The following NF1 variants were observed in gnomAD, a reference collection of about 807,000 sequenced individuals.
The protein encoded by NF1 is neurofibromin.
NF1 carries 122 observed loss-of-function variants against 325.7 expected under a neutral mutation model. The observed-to-expected ratio is 0.37, with a 90% CI of 0.32 to 0.44. The LOEUF (loss-of-function observed/expected upper bound fraction) is 0.44. Among genes scored for constraint, NF1 ranks in the 20% least tolerant of loss-of-function variants. The pLI is 1.00. For missense variants in NF1, 2,140 were observed against 3,415.4 expected (o/e 0.63, Z 9.31); for synonymous variants, 1,091 against 1,186.0 (o/e 0.92, Z 1.65).
chr17:31,163,124 A>G (rs1160488793), intron 3 of NF1, 62 bp from the exon 4 acceptor site: 7 of 1,545,028 alleles, frequency 4.5e-6, no homozygotes, highest in South Asian at 3.4e-5. Flanking sequence ...GAAAATTTTC[A>G]TAATAGAAAA....
intron 36 of NF1, among the ~76,000 whole-genome samples, chr17:31,309,430 A>G (rs2068811030): frequency 6.6e-6 from 1 of 152,198 alleles, no homozygotes. Flanking sequence ...CACTTTTGGC[A>G]TAGATATAGG....
intron 36 of NF1, among the ~76,000 whole-genome samples, chr17:31,308,480 G>A (rs1423281692): frequency 6.6e-6 from 1 of 151,960 alleles, no homozygotes; most frequent in African/African-American, 2.4e-5. Context: ...TCTTCCTTCT[G>A]GCTTGAGTTA....
At chr17:31,301,920 T>G (rs1485191932) in intron 36 of NF1, among the ~76,000 whole-genome samples, 2 of 152,220 alleles carry the variant, frequency 1.3e-5, no homozygotes, top group African/African-American at 4.8e-5. Context: ...TGAAATAAAC[T>G]TTCTCTTCTG....
intron 36 of NF1, among the ~76,000 whole-genome samples, chr17:31,303,456 A>G (rs1326058790): frequency 2.0e-5 from 3 of 152,108 alleles, no homozygotes; most frequent in African/African-American, 4.8e-5. Context: ...AAAGTTGAGA[A>G]TCATCTGTGT....
intron 5 of NF1, among the ~76,000 whole-genome samples, chr17:31,180,518 A>G (rs954407586): frequency 6.6e-6 from 1 of 152,220 alleles, no homozygotes; most frequent in African/African-American, 2.4e-5. Context: ...CAATAGATAC[A>G]GAAAAGGCCT....
At chr17:31,141,993 A>AC (rs1309287928) in intron 1 of NF1, among the ~76,000 whole-genome samples, 3 of 152,124 alleles carry the variant, frequency 2.0e-5, no homozygotes, top group African/African-American at 7.2e-5. Flanking sequence ...TGTAAACCCT[A>AC]CCCCCATTAT....
At chr17:31,264,824 T>C (rs1213595078) in intron 35 of NF1, among the ~76,000 whole-genome samples, 5 of 152,138 alleles carry the variant, frequency 3.3e-5, no homozygotes, top group Non-Finnish European at 2.9e-5. Flanking sequence ...TTTGGAAAAA[T>C]ATTTTCATAC....
chr17:31,208,122 C>T (rs773258391), intron 12 of NF1, among the ~76,000 whole-genome samples: 6 of 152,040 alleles, frequency 3.9e-5, no homozygotes, highest in African/African-American at 9.7e-5. Flanking sequence ...ATTATTTTAC[C>T]GAAAAGCCAT....
Position 31,219,022 on chromosome 17 carries a change from G to T in NF1, c.1545G>T (p.Gly515=), listed in dbSNP as rs876658203. ...CCTTGCAGAATCCAAGAAAACAGGG[G>T]CCCGAAACCCAAGGCAGTACAGCAG... ...KLLLCNPRKQ[G]PETQGSTAEL... is the part of the protein sequence containing the mutation. The change falls in exon 14 of 58, where the codon GGG becomes GGT. Residue 515 remains glycine (G), a synonymous_variant. Coordinates refer to ENST00000358273, the MANE Select transcript of NF1 (RefSeq NM_001042492.3). 6.2e-7 allele frequency: 1 copy of T among 1,613,052 alleles called. No individual in the cohort carries two copies. Among genetic ancestry groups the T allele is most frequent in the Non-Finnish European group, 8.5e-7 (1 of 1,179,652 alleles).
Position 31,287,542 on chromosome 17 carries a change from CTGTGTGTGTGTGTG to C in NF1, c.4835+22226_4835+22239del, listed in dbSNP as rs59906241. Among the ~76,000 whole-genome samples, 123 of 145,590 alleles carry C rather than the reference CTGTGTGTGTGTGTG, an allele frequency of 8.4e-4. 1 individual carries two copies. The highest frequency in any genetic ancestry group is 7.7e-3 in the Admixed American group (113 of 14,762). On this transcript the variant is annotated intron_variant, in intron 36 of 57. Transcript: ENST00000358273. Reference sequence around the variant, plus strand: ...TTCTGTGCTTTGATCTCATTCATAACTGTGTGTGTGTGTGTGTGTGTGTGTGTGTGTGTGTGACA... The same window carrying C: ...TTCTGTGCTTTGATCTCATTCATAACTGTGTGTGTGTGTGTGTGTGTGACA...
At chr17:31,354,279 A>G (rs1284696748) in intron 51 of NF1, among the ~76,000 whole-genome samples, 1 of 152,198 alleles carries the variant, frequency 6.6e-6, no homozygotes, top group Non-Finnish European at 1.5e-5. Flanking sequence ...AGAGGAGATA[A>G]CATTTGGGCT....
intron 36 of NF1, chr17:31,318,489 A>C: frequency 6.2e-7 from 1 of 1,614,058 alleles, no homozygotes; most frequent in Non-Finnish European, 8.5e-7. Flanking sequence ...TTCTAGGCTG[A>C]CGCTTGCCTA....
chr17:31,363,763 C>T (rs1209945208), intron 57 of NF1, among the ~76,000 whole-genome samples: 3 of 136,562 alleles, frequency 2.2e-5, no homozygotes, highest in Non-Finnish European at 4.7e-5. Context: ...CCTTTGGAGA[C>T]AGTGTCTCGC....
intron 36 of NF1, among the ~76,000 whole-genome samples, chr17:31,268,617 C>A (rs1284357836): frequency 4.2e-5 from 6 of 144,198 alleles, no homozygotes; most frequent in Admixed American, 4.1e-4. Flanking sequence ...CAGAGCAAGA[C>A]TCTGTCTAAA....
At chr17:31,187,749 C>T (rs894603454) in intron 8 of NF1, among the ~76,000 whole-genome samples, 5 of 152,156 alleles carry the variant, frequency 3.3e-5, no homozygotes, top group Non-Finnish European at 7.3e-5. Context: ...AATTTTTCTT[C>T]CCGTTCTTGA....
chr17:31,341,132 G>A lies in NF1; in HGVS notation c.7062+487G>A, dbSNP rs554000541. Reference sequence around the variant, plus strand: ...AATAATGCCACTTAATGAAAAATACGTATAATTCATAGTAGATAAGGAAGT... The same window carrying A: ...AATAATGCCACTTAATGAAAAATACATATAATTCATAGTAGATAAGGAAGT... On this transcript the variant is annotated intron_variant, in intron 47 of 57. Transcript: ENST00000358273. 5.9e-5 allele frequency among the ~76,000 whole-genome samples: 9 copies of A among 152,188 alleles called. No homozygotes were observed. The South Asian group carries it at 6.2e-4, about 11-fold the overall frequency.
Position 31,350,238 on chromosome 17 carries a change from G to T in NF1, c.7377G>T (p.Lys2459Asn). Residue 2459 changes from lysine to asparagine, a missense_variant, in exon 50 of 58, where the codon AAG becomes AAT. Coordinates refer to ENST00000358273, the MANE Select transcript of NF1 (RefSeq NM_001042492.3). The part of the protein sequence containing the change: ...VRSRCSLKHR[K>N]SLLLTDISME... ...GTCGCTGCAGCCTAAAACATAGAAAGTCACTTCTTCTTACTGATATTTCAA... is the reference window on the plus strand; with the variant it reads ...GTCGCTGCAGCCTAAAACATAGAAATTCACTTCTTCTTACTGATATTTCAA... 1 of 1,613,828 alleles carries T rather than the reference G, an allele frequency of 6.2e-7. No individual in the cohort carries two copies. Among genetic ancestry groups the T allele is most frequent in the South Asian group, 1.1e-5 (1 of 91,076 alleles).
chr17:31,314,192 A>G (rs2068963314), intron 36 of NF1: 1 of 388,658 alleles, frequency 2.6e-6, no homozygotes, highest in Admixed American at 4.4e-5. Context: ...ATATTACTTT[A>G]ACAGAACTTA....
intron 36 of NF1, among the ~76,000 whole-genome samples, chr17:31,285,270 T>G (rs2068202972): frequency 7.8e-6 from 1 of 127,940 alleles, no homozygotes. Context: ...CAGAGTGAGA[T>G]TCTGTTTAAA....
Sources: gnomAD v4.1 joint callset for allele counts (sites outside exome capture counted in the v4.1 genomes callset) on GRCh38, gnomAD v4.1.1 for gene constraint, MANE v1.5 for transcripts, NCBI Gene and HGNC (gene_info 2026-07-23, HGNC 2026-07-21) for gene names.